Variants in AGPS observed in about 807,000 individuals in gnomAD.
AGPS encodes the protein alkylglycerone phosphate synthase.
AGPS carries 26 observed loss-of-function variants against 90.7 expected under a neutral mutation model. That is an observed-to-expected ratio of 0.29 (90% CI 0.21 to 0.40). The LOEUF (loss-of-function observed/expected upper bound fraction) is 0.40. AGPS is among the 10% of genes least tolerant of loss of function. AGPS has a pLI of 1.00. For missense variants in AGPS, 540 were observed against 816.1 expected (o/e 0.66, Z 4.12); for synonymous variants, 294 against 285.3 (o/e 1.03, Z -0.31).
chr2:177,521,992 G>A (rs1689208559), intron 18 of AGPS, among the ~76,000 whole-genome samples: 1 of 152,058 alleles, frequency 6.6e-6, no homozygotes, highest in African/African-American at 2.4e-5. Flanking sequence ...TAACTGCATT[G>A]CACACCTGCT....
chr2:177,424,452 A>AT (rs58067920), intron 2 of AGPS, among the ~76,000 whole-genome samples: 17,400 of 151,188 alleles, frequency 0.12, 1,276 homozygotes, highest in East Asian at 0.37. Flanking sequence ...TAATAGAATG[A>AT]TTTTTTTTTT....
chr2:177,442,273 T>C (rs1334302178), intron 6 of AGPS, 134 bp from the exon 7 acceptor site: 1 of 708,686 alleles, frequency 1.4e-6, no homozygotes, highest in Non-Finnish European at 2.5e-6. Context: ...TTGCAAGTTG[T>C]ATTTTGCAAA....
chr2:177,450,893 T>C (rs1285828330), intron 8 of AGPS, among the ~76,000 whole-genome samples: 1 of 126,658 alleles, frequency 7.9e-6, no homozygotes, highest in Non-Finnish European at 1.7e-5. Flanking sequence ...GAACATGGTA[T>C]ATCTTTAGTT....
At chr2:177,508,074 A>G (rs756132301) in intron 16 of AGPS, 43 bp downstream of exon 16, 1 of 1,393,122 alleles carries the variant, frequency 7.2e-7, no homozygotes, top group Non-Finnish European at 1.0e-6. Flanking sequence ...AATATGCGAT[A>G]TGAATTGCTT....
chr2:177,419,661 G>A (rs780967644), intron 1 of AGPS, among the ~76,000 whole-genome samples: 3 of 151,834 alleles, frequency 2.0e-5, no homozygotes, highest in African/African-American at 7.2e-5. Context: ...ATTAAAAATA[G>A]CATGTTATTT....
chr2:177,452,063 A>G (rs1471547765), intron 8 of AGPS, among the ~76,000 whole-genome samples: 1 of 152,122 alleles, frequency 6.6e-6, no homozygotes, highest in Non-Finnish European at 1.5e-5. Context: ...TATGACTTGA[A>G]TCCTTTCAAA....
intron 19 of AGPS, among the ~76,000 whole-genome samples, chr2:177,532,367 A>G (rs950679459): frequency 6.6e-6 from 1 of 152,188 alleles, no homozygotes; most frequent in Non-Finnish European, 1.5e-5. Flanking sequence ...AAAATGTTCA[A>G]CATCGTTAGC....
At position 177,393,235 on chromosome 2, in the gene AGPS, G is replaced by T. The variant is rs967490634; in HGVS notation, c.260+186G>T. On this transcript the variant is annotated intron_variant, in intron 1 of 19. Transcript: ENST00000264167. ...GACCCTGGATTCTGTCAGGAAGGGG[G>T]CGGGATGGGATGGTGGATTTTGGTC... 244 of 985,278 alleles carry T rather than the reference G, an allele frequency of 2.5e-4. 1 individual carries two copies. The highest frequency in any genetic ancestry group is 5.2e-4 in the Middle Eastern group (1 of 1,936). The allele number at this position is 985,278 out of a possible 1,614,324, so 61.0% of individuals were successfully genotyped here. A position where few individuals can be genotyped will look rare whatever the true frequency, so the allele number is the denominator to read the frequency against.
At chr2:177,463,831 GTTTAT>G (rs1247572899) in intron 9 of AGPS, among the ~76,000 whole-genome samples, 1 of 152,122 alleles carries the variant, frequency 6.6e-6, no homozygotes, top group East Asian at 1.9e-4. Context: ...AAATCATGTA[GTTTAT>G]TTTAATCATT....
At chr2:177,500,243 C>G (rs1350408857) in intron 14 of AGPS, among the ~76,000 whole-genome samples, 1 of 151,932 alleles carries the variant, frequency 6.6e-6, no homozygotes, top group African/African-American at 2.4e-5. Context: ...CATCTATAAC[C>G]AACTGAATAA....
At chr2:177,525,508 T>C (rs192031665) in intron 19 of AGPS, among the ~76,000 whole-genome samples, 7 of 152,340 alleles carry the variant, frequency 4.6e-5, no homozygotes, top group African/African-American at 1.7e-4. Flanking sequence ...AATAGTTTAC[T>C]TTCTCTTTTA....
intron 14 of AGPS, among the ~76,000 whole-genome samples, chr2:177,502,568 C>T (rs1445662253): frequency 2.0e-5 from 3 of 151,710 alleles, no homozygotes; most frequent in African/African-American, 2.4e-5. Context: ...AGGTGCACGT[C>T]ACCATGCCTG....
intron 1 of AGPS, among the ~76,000 whole-genome samples, chr2:177,419,705 T>C (rs769389483): frequency 2.0e-4 from 30 of 151,874 alleles, no homozygotes; most frequent in Non-Finnish European, 4.1e-4. Flanking sequence ...CCATTAACTG[T>C]TACAATATGT....
intron 2 of AGPS, among the ~76,000 whole-genome samples, chr2:177,430,156 AC>A (rs1380921934): frequency 6.6e-6 from 1 of 152,230 alleles, no homozygotes; most frequent in African/African-American, 2.4e-5. Context: ...GCAGGCTAGA[AC>A]AGCTGAGTCA....
intron 8 of AGPS, among the ~76,000 whole-genome samples, chr2:177,450,975 T>TATATATATATATATATATA (rs1434749270): frequency 2.9e-5 from 4 of 136,594 alleles, no homozygotes; most frequent in African/African-American, 1.4e-4. Flanking sequence ...TATATATATA[T>TATATATATATATATATATA]TTTAGAGACA....
intron 8 of AGPS, among the ~76,000 whole-genome samples, chr2:177,456,524 A>C (rs368438697): frequency 1.3e-5 from 2 of 152,182 alleles, no homozygotes; most frequent in East Asian, 3.8e-4. Flanking sequence ...TCACTTATTT[A>C]GTAGGAAGTT....
At chr2:177,488,631 A>T (rs1453852034) in intron 11 of AGPS, among the ~76,000 whole-genome samples, 3 of 152,114 alleles carry the variant, frequency 2.0e-5, no homozygotes, top group African/African-American at 7.2e-5. Context: ...TATTATGATA[A>T]TTTTTTGTGC....
At chr2:177,464,311 A>G (rs1445874504) in intron 9 of AGPS, among the ~76,000 whole-genome samples, 1 of 152,076 alleles carries the variant, frequency 6.6e-6, no homozygotes, top group Non-Finnish European at 1.5e-5. Context: ...GTCTTAATTT[A>G]TATTGTTTGC....
intron 11 of AGPS, among the ~76,000 whole-genome samples, chr2:177,482,429 G>A (rs1687972556): frequency 6.6e-6 from 1 of 152,050 alleles, no homozygotes; most frequent in South Asian, 2.1e-4. Context: ...GGTCTAGATG[G>A]CTATATGATT....
Sources: allele counts gnomAD v4.1 joint callset (sites outside exome capture counted in the v4.1 genomes callset), GRCh38; gene constraint gnomAD v4.1.1; transcripts MANE v1.5; gene names NCBI Gene and HGNC (gene_info 2026-07-23, HGNC 2026-07-21).